Variants in PCDHA1 observed in about 807,000 individuals in gnomAD.
The protein encoded by PCDHA1 is protocadherin alpha-1.
Under a neutral mutation model 61.3 loss-of-function variants are expected in PCDHA1, and 42 were observed. The observed-to-expected ratio is 0.69, with a 90% CI of 0.54 to 0.89. The LOEUF (loss-of-function observed/expected upper bound fraction) is 0.89. PCDHA1 is among the 40% of genes least tolerant of loss of function. PCDHA1 has a pLI of 0.00. For synonymous variants in PCDHA1, 610 were observed against 553.8 expected (o/e 1.10, Z -1.43); for missense variants, 1,256 against 1,235.3 (o/e 1.02, Z -0.25).
At chr5:140,903,061 C>T (rs2069972197) in intron 1 of PCDHA1, among the ~76,000 whole-genome samples, 1 of 152,052 alleles carries the variant, frequency 6.6e-6, no homozygotes, top group African/African-American at 2.4e-5. Context: ...GACTTCTTTT[C>T]CTTTGGGTAG....
intron 1 of PCDHA1, chr5:140,870,532 T>A: frequency 1.2e-6 from 2 of 1,614,184 alleles, no homozygotes; most frequent in Non-Finnish European, 1.7e-6. Flanking sequence ...CTTCACAGTG[T>A]CGGCGCGGGA....
At position 140,929,210 on chromosome 5, in the gene PCDHA1, G is replaced by A. The variant is rs782078369; in HGVS notation, c.2395-49739G>A. The A allele has an allele frequency of 1.9e-6, 3 of 1,613,952 alleles. No individual in the cohort carries two copies. The South Asian group carries it at 3.3e-5, about 18-fold the overall frequency. The stretch of plus-strand genomic sequence containing the variant: ...GATAATAACAGTTTGCTGTTGCGTG[G>A]GGAGTACAATGCTGCCGACCTGCGA... On this transcript the variant is annotated intron_variant, in intron 1 of 3. Transcript: ENST00000504120.
At chr5:140,882,252 G>C (rs782433822) in intron 1 of PCDHA1, 1 of 1,597,600 alleles carries the variant, frequency 6.3e-7, no homozygotes, top group Non-Finnish European at 8.5e-7. Context: ...ATAGCTCTGA[G>C]GTTTTTGGAG....
chr5:140,861,274 GCT>G lies in PCDHA1; in HGVS notation c.2394+72591_2394+72592del, dbSNP rs538032435. The G allele has an allele frequency of 1.4e-4, 25 of 180,670 alleles. 1 individual carries two copies. In the South Asian group the frequency reaches 2.9e-3, roughly 21 times the overall value. 11.2% of individuals were successfully genotyped at this position (180,670 alleles called of 1,614,324 possible). On this transcript the variant is annotated intron_variant, in intron 1 of 3. Transcript: ENST00000504120. The stretch of plus-strand genomic sequence containing the variant: ...AGGAATCCCGGAGCCTACAGCACTG[GCT>G]TCTGCTCCTTGAATTTTGTGAAGCG...
At chr5:140,812,537 T>A (rs1765127658) in intron 1 of PCDHA1, 1 of 152,190 alleles carries the variant, frequency 6.6e-6, no homozygotes. Context: ...TGTCCTTTTT[T>A]TCTAGTTCCT....
chr5:140,948,255 C>G (rs1271882562), intron 1 of PCDHA1, among the ~76,000 whole-genome samples: 1 of 151,484 alleles, frequency 6.6e-6, no homozygotes, highest in Non-Finnish European at 1.5e-5. Flanking sequence ...ATTTTTACAT[C>G]TGTGTTCATG....
chr5:140,850,626 T>C (rs1554144591), intron 1 of PCDHA1: 1 of 1,598,444 alleles, frequency 6.3e-7, no homozygotes, highest in African/African-American at 1.3e-5. Flanking sequence ...GTCTAGCCTG[T>C]TGGTTCTCAC....
chr5:140,931,047 C>G (rs969815598), intron 1 of PCDHA1, among the ~76,000 whole-genome samples: 5 of 152,166 alleles, frequency 3.3e-5, no homozygotes, highest in African/African-American at 9.6e-5. Context: ...AGAAAAACTT[C>G]AATGCTGTGT....
At chr5:140,862,045 A>T (rs544547077) in intron 1 of PCDHA1, 1 of 155,812 alleles carries the variant, frequency 6.4e-6, no homozygotes, top group South Asian at 2.0e-4. Context: ...AAACCGTCAC[A>T]TTGTTTCTTT....
chr5:140,917,936 A>G (rs155801), intron 1 of PCDHA1, among the ~76,000 whole-genome samples: 49,654 of 151,910 alleles, frequency 0.33, 8,386 homozygotes, highest in East Asian at 0.53. Context: ...GAAAAATAAT[A>G]TTGGTAGTTT....
intron 3 of PCDHA1, among the ~76,000 whole-genome samples, chr5:141,003,829 A>G (rs1220753607): frequency 1.3e-5 from 2 of 152,184 alleles, no homozygotes; most frequent in Admixed American, 6.5e-5. Flanking sequence ...GGCTCTGCCT[A>G]ACGATTCAGA....
chr5:140,966,042 G>T (rs1554228004), intron 1 of PCDHA1, among the ~76,000 whole-genome samples: 1 of 152,152 alleles, frequency 6.6e-6, no homozygotes, highest in Admixed American at 6.5e-5. Context: ...AGTTCCCATC[G>T]CCAGTAACCC....
chr5:140,928,719 T>C (rs1554206226), intron 1 of PCDHA1: 31 of 1,614,044 alleles, frequency 1.9e-5, no homozygotes, highest in Non-Finnish European at 2.5e-5. Flanking sequence ...CTAGTCTCTT[T>C]AGAATTTCAG....
intron 1 of PCDHA1, chr5:140,928,859 T>G (rs782758888): frequency 1.2e-6 from 2 of 1,614,176 alleles, no homozygotes; most frequent in Non-Finnish European, 1.7e-6. Flanking sequence ...GGTGTGCTGT[T>G]GAGCAACTCT....
chr5:140,966,698 G>C, intron 1 of PCDHA1: 2 of 1,363,568 alleles, frequency 1.5e-6, no homozygotes, highest in Non-Finnish European at 1.9e-6. Flanking sequence ...CGGGGCCCGG[G>C]CGTGGGGCAC....
At chr5:140,862,216 T>C in intron 1 of PCDHA1, 1 of 205,622 alleles carries the variant, frequency 4.9e-6, no homozygotes, top group Non-Finnish European at 9.9e-6. Flanking sequence ...TGCACAGACT[T>C]GATAGAAGTC....
chr5:140,829,134 C>A (rs2150162893), intron 1 of PCDHA1: 1 of 1,613,168 alleles, frequency 6.2e-7, no homozygotes. Flanking sequence ...GATAACGTCC[C>A]TGAGATAGCA....
intron 1 of PCDHA1, among the ~76,000 whole-genome samples, chr5:140,906,751 G>C (rs782384757): frequency 1.3e-5 from 2 of 152,166 alleles, no homozygotes; most frequent in African/African-American, 2.4e-5. Context: ...CACAGGGCAT[G>C]GTAATACTAA....
At chr5:140,880,840 GT>G (rs1554171522) in intron 1 of PCDHA1, among the ~76,000 whole-genome samples, 2 of 152,176 alleles carry the variant, frequency 1.3e-5, no homozygotes, top group Admixed American at 6.5e-5. Flanking sequence ...ATTTTAAATG[GT>G]TGACTATGTA....
Sources: allele counts gnomAD v4.1 joint callset (sites outside exome capture counted in the v4.1 genomes callset), GRCh38; gene constraint gnomAD v4.1.1; transcripts MANE v1.5; gene names NCBI Gene and HGNC (gene_info 2026-07-23, HGNC 2026-07-21).